The following EMC8 variants were observed in gnomAD, a reference collection of about 807,000 sequenced individuals.
The protein encoded by EMC8 is COX4 neighbor.
Under a neutral mutation model 24.3 loss-of-function variants are expected in EMC8, and 11 were observed. The observed-to-expected ratio is 0.45, with a 90% CI of 0.28 to 0.75. The LOEUF is 0.75. EMC8 is among the 30% of genes least tolerant of loss of function. EMC8 has a pLI of 0.12. For synonymous variants in EMC8, 145 were observed against 117.7 expected, an observed-to-expected ratio of 1.23 and a Z score of -1.50; for missense variants, 277 against 282.7, an observed-to-expected ratio of 0.98 and a Z score of 0.14.
At chr16:85,784,505 G>C (rs995723117) in intron 2 of EMC8, 5 of 152,168 alleles carry the variant, frequency 3.3e-5, no homozygotes, top group African/African-American at 1.2e-4. Flanking sequence ...GCAGTATTAA[G>C]AAAAATATGA....
intron 1 of EMC8, chr16:85,792,495 C>A (rs186618247): frequency 3.3e-5 from 5 of 152,200 alleles, no homozygotes; most frequent in African/African-American, 1.2e-4. Flanking sequence ...AAGGGAGGAA[C>A]GGAGACTCGG....
In EMC8 at chr16:85,789,028, T is replaced by C. The variant is rs1339691319; in HGVS notation, c.254A>G (p.His85Arg). The change falls in exon 2 of 5, where the codon CAT becomes CGT. Residue 85 changes from histidine (H) to arginine (R), a missense_variant. Transcript: ENST00000253457. ...ATAATAACCAGCAATCACGTAGCTA[T>C]GATCTTTGCACCATGAATCAATCTG... ...LTLIDSWCKD[H>R]SYVIAGYYQA... is the part of the protein sequence containing the mutation. 1.2e-6 allele frequency: 2 copies of C among 1,613,766 alleles called. No individual in the cohort carries two copies. The highest frequency in any genetic ancestry group is 2.2e-5 in the East Asian group (1 of 44,882).
At chr16:85,790,810 A>G (rs1268095436) in intron 1 of EMC8, among the ~76,000 whole-genome samples, 1 of 152,012 alleles carries the variant, frequency 6.6e-6, no homozygotes, top group Non-Finnish European at 1.5e-5. Flanking sequence ...GTGACAAGTT[A>G]CACATACTTA....
intron 1 of EMC8, among the ~76,000 whole-genome samples, chr16:85,794,965 G>C (rs1333767082): frequency 2.6e-5 from 4 of 152,156 alleles, no homozygotes; most frequent in Admixed American, 2.6e-4. Flanking sequence ...TTCCTCCCTG[G>C]TAAGTGGTTT....
intron 2 of EMC8, chr16:85,787,723 C>G (rs1033851071): frequency 6.6e-6 from 1 of 152,254 alleles, no homozygotes; most frequent in Non-Finnish European, 1.5e-5. Context: ...TCCACGCACT[C>G]CCAACCGCCT....
At chr16:85,792,595 G>A (rs1181642585) in intron 1 of EMC8, 1 of 152,434 alleles carries the variant, frequency 6.6e-6, no homozygotes, top group African/African-American at 2.4e-5. Flanking sequence ...TAGGCATCAG[G>A]TGAGAGTGCC....
intron 1 of EMC8, among the ~76,000 whole-genome samples, chr16:85,789,817 C>A (rs770943077): frequency 1.4e-4 from 20 of 142,462 alleles, no homozygotes; most frequent in Non-Finnish European, 2.5e-4. Context: ...AAAAAAAAGT[C>A]TTTTATACTC....
intron 1 of EMC8, among the ~76,000 whole-genome samples, chr16:85,797,822 T>C (rs533933908): frequency 5.9e-5 from 9 of 152,322 alleles, no homozygotes; most frequent in Admixed American, 5.2e-4. Context: ...AGCATCACAG[T>C]TTATTCTTAA....
intron 2 of EMC8, 59 bp downstream of exon 2, chr16:85,788,915 C>CG: frequency 8.2e-7 from 1 of 1,212,354 alleles, no homozygotes; most frequent in Non-Finnish European, 1.2e-6. Context: ...ACACGAGAGA[C>CG]GGGGTCTGCC....
chr16:85,784,136 C>T (rs1172058350), intron 2 of EMC8, among the ~76,000 whole-genome samples: 3 of 152,142 alleles, frequency 2.0e-5, no homozygotes, highest in African/African-American at 7.2e-5. Flanking sequence ...GTAGCTGGGA[C>T]TACAGGCGCC....
In EMC8 at chr16:85,799,525, GC is replaced by G. The variant is rs1473081923; in HGVS notation, c.-231del. 2.6e-6 allele frequency: 1 copy of G among 379,334 alleles called. No individual in the cohort carries two copies. Among genetic ancestry groups the G allele is most frequent in the Non-Finnish European group, 4.7e-6 (1 of 214,704 alleles). The allele number at this position is 379,334 out of a possible 1,614,324, so 23.5% of individuals were successfully genotyped here. On this transcript the variant is annotated 5_prime_UTR_variant, in exon 1 of 5. Transcript: ENST00000253457. This position sits in a 1 kb window ranked among gnomAD's most constrained non-coding sequence, Gnocchi z 4.2. ...GCCCCAGACTCCAGTCGCGCTTCTC[GC>G]CCGGCGCCGCCGGAAAGCAGCCTCT...
chr16:85,778,722 A>G lies in EMC8; in HGVS notation c.*986T>C, dbSNP rs1415222184. ...TGACCGCTGTATCACAAACCCTTTC[A>G]GGTCACACCGATCGTTACAAATTCC... On this transcript the variant is annotated 3_prime_UTR_variant, in exon 5 of 5. Transcript: ENST00000253457. The G allele has an allele frequency of 6.6e-6, 1 of 152,224 alleles. No homozygotes were observed. The highest frequency in any genetic ancestry group is 1.5e-5 in the Non-Finnish European group (1 of 68,030). 9.4% of individuals were successfully genotyped at this position (152,224 alleles called of 1,614,324 possible).
chr16:85,791,834 C>T (rs1905025270), intron 1 of EMC8, among the ~76,000 whole-genome samples: 1 of 152,322 alleles, frequency 6.6e-6, no homozygotes, highest in African/African-American at 2.4e-5. Flanking sequence ...TTTGTGATTA[C>T]ATGAGGCACA....
At position 85,795,920 on chromosome 16, in the gene EMC8, C is replaced by T. The variant is rs148697091; in HGVS notation, c.231+3145G>A. On this transcript the variant is annotated intron_variant, in intron 1 of 4. Coordinates refer to ENST00000253457, the MANE Select transcript of EMC8 (RefSeq NM_006067.5). The stretch of plus-strand genomic sequence containing the variant: ...AATGCGGAGACACCTAGCTGGTGGC[C>T]GCTGCTTGGTGTGTGGGGAAACTCC... Among the ~76,000 whole-genome samples, 970 of 152,216 alleles carry T rather than the reference C, an allele frequency of 6.4e-3. 6 individuals are homozygous for T. The highest frequency in any genetic ancestry group is 0.016 in the South Asian group (78 of 4,824).
intron 1 of EMC8, among the ~76,000 whole-genome samples, chr16:85,793,563 ATG>A (rs1274415842): frequency 6.6e-6 from 1 of 152,136 alleles, no homozygotes; most frequent in Non-Finnish European, 1.5e-5. Flanking sequence ...TGTTCTGGAG[ATG>A]AACAAAGGGC....
At chr16:85,791,829 G>A (rs1431695488) in intron 1 of EMC8, among the ~76,000 whole-genome samples, 1 of 151,998 alleles carries the variant, frequency 6.6e-6, no homozygotes, top group East Asian at 1.9e-4. Context: ...AGGTCTTTGT[G>A]ATTACATGAG....
At chr16:85,787,621 G>C (rs148674554) in intron 2 of EMC8, 1 of 152,318 alleles carries the variant, frequency 6.6e-6, no homozygotes, top group Non-Finnish European at 1.5e-5. Flanking sequence ...GGACATCCCA[G>C]TGAGAGTCAG....
chr16:85,781,124 A>G lies in EMC8; in HGVS notation c.378+87T>C, dbSNP rs1173901364. The G allele has an allele frequency of 6.8e-6, 6 of 880,950 alleles. No homozygotes were observed. The African/African-American group carries it at 9.8e-5, about 14-fold the overall frequency. 54.6% of individuals were successfully genotyped at this position (880,950 alleles called of 1,614,324 possible). On this transcript the variant is annotated intron_variant, in intron 3 of 4. Transcript: ENST00000253457. ...AAGCAGATAAATGAGTGAAGGGGTTAGCGGAAAGGAAACCGCCGCAGAGCA... is the reference window on the plus strand; with the variant it reads ...AAGCAGATAAATGAGTGAAGGGGTTGGCGGAAAGGAAACCGCCGCAGAGCA...
chr16:85,782,755 C>G (rs1276381634), intron 2 of EMC8, among the ~76,000 whole-genome samples: 7 of 152,170 alleles, frequency 4.6e-5, no homozygotes, highest in Non-Finnish European at 7.3e-5. Flanking sequence ...ACTGCTACCC[C>G]CTCAAAAGCC....
Sources: allele counts gnomAD v4.1 joint callset (sites outside exome capture counted in the v4.1 genomes callset), GRCh38; gene constraint gnomAD v4.1.1; non-coding constraint Gnocchi (gnomAD v3.1); transcripts MANE v1.5; gene names NCBI Gene and HGNC (gene_info 2026-07-23, HGNC 2026-07-21).